The following SGK1 variants were observed in gnomAD, a reference collection of about 807,000 sequenced individuals.
SGK1 encodes the protein serine/threonine-protein kinase Sgk1.
A neutral mutation model predicts 64.2 loss-of-function variants in SGK1; 26 were observed. The ratio of observed to expected loss-of-function variants is 0.40; its 90% CI spans 0.30 to 0.56. The LOEUF (loss-of-function observed/expected upper bound fraction) is 0.56, where lower values mean the gene tolerates loss of function less well. SGK1 is among the 20% of genes least tolerant of loss of function. The pLI is 0.38. For missense variants in SGK1, 519 were observed against 645.6 expected (o/e 0.80, Z 2.12); for synonymous variants, 265 against 239.7 (o/e 1.11, Z -0.98).
rs1236266501 is a variant in SGK1 at position 134,172,845 on chromosome 6, G to A, written c.835-71C>T. 3.1e-6 allele frequency: 4 copies of A among 1,283,088 alleles called. No homozygotes were observed. The African/African-American group carries it at 4.4e-5, about 14-fold the overall frequency. The allele number at this position is 1,283,088 out of a possible 1,614,324, so 79.5% of individuals were successfully genotyped here. A position where few individuals can be genotyped will look rare whatever the true frequency, so the allele number is the denominator to read the frequency against. ...ATTAGTTTTGACATACACAGCAAAAGAACAACTGCAGGAAGTGGCCCCAAG... is the reference window on the plus strand; with the variant it reads ...ATTAGTTTTGACATACACAGCAAAAAAACAACTGCAGGAAGTGGCCCCAAG... On this transcript the variant is annotated intron_variant, in intron 8 of 13. Transcript: ENST00000367858.
intron 2 of SGK1, among the ~76,000 whole-genome samples, chr6:134,252,907 AT>A (rs555199071): frequency 5.3e-5 from 8 of 151,958 alleles, no homozygotes; most frequent in East Asian, 3.9e-4. Context: ...CCTATATAAA[AT>A]TTTTTTTGAT....
intron 3 of SGK1, among the ~76,000 whole-genome samples, chr6:134,177,442 C>T (rs1775262940): frequency 6.6e-6 from 1 of 152,188 alleles, no homozygotes; most frequent in African/African-American, 2.4e-5. Context: ...CCTAGCTCTG[C>T]TCCCACCTGG....
At chr6:134,268,821 G>T (rs1279123845) in intron 1 of SGK1, among the ~76,000 whole-genome samples, 1 of 146,384 alleles carries the variant, frequency 6.8e-6, no homozygotes, top group Admixed American at 7.0e-5. Flanking sequence ...TACAGATACC[G>T]GGGTGAACCA....
intron 2 of SGK1, among the ~76,000 whole-genome samples, chr6:134,209,825 C>T (rs1775858029): frequency 6.6e-6 from 1 of 152,142 alleles, no homozygotes; most frequent in Non-Finnish European, 1.5e-5. Context: ...TACAGACGTG[C>T]TCCACCACGC....
chr6:134,262,659 G>A (rs868853031), intron 1 of SGK1, among the ~76,000 whole-genome samples: 17 of 151,796 alleles, frequency 1.1e-4, no homozygotes, highest in East Asian at 1.9e-4. Context: ...AGATAGCCCC[G>A]CTGCACTCCA....
chr6:134,252,331 A>G (rs919646019), intron 2 of SGK1, among the ~76,000 whole-genome samples: 2 of 152,202 alleles, frequency 1.3e-5, no homozygotes, highest in African/African-American at 2.4e-5. Flanking sequence ...CCTGGTTATC[A>G]GGCTCTCTGG....
At chr6:134,232,451 G>GAAAGAAAGAAAGAA (rs1562259773) in intron 2 of SGK1, among the ~76,000 whole-genome samples, 62 of 37,216 alleles carry the variant, frequency 1.7e-3, no homozygotes, top group Admixed American at 5.6e-3. Flanking sequence ...AAGAAAGAAA[G>GAAAGAAAGAAAGAA]AAAGAAAGAA....
At chr6:134,228,167 C>T (rs1776217896) in intron 2 of SGK1, among the ~76,000 whole-genome samples, 1 of 151,976 alleles carries the variant, frequency 6.6e-6, no homozygotes. Flanking sequence ...GTTGGCCAGG[C>T]TGGTCTCGAA....
chr6:134,196,591 G>A (rs1775597901), intron 3 of SGK1, among the ~76,000 whole-genome samples: 2 of 152,212 alleles, frequency 1.3e-5, no homozygotes, highest in Admixed American at 6.5e-5. Context: ...AACCACAACA[G>A]ATTGTACACT....
intron 2 of SGK1, among the ~76,000 whole-genome samples, chr6:134,220,336 G>A (rs1202840264): frequency 6.6e-6 from 1 of 152,042 alleles, no homozygotes; most frequent in African/African-American, 2.4e-5. Context: ...TTTAATAGAT[G>A]GGAAAACAGA....
At chr6:134,226,262 C>T (rs1396217134) in intron 2 of SGK1, among the ~76,000 whole-genome samples, 1 of 152,140 alleles carries the variant, frequency 6.6e-6, no homozygotes, top group Non-Finnish European at 1.5e-5. Flanking sequence ...TAAGCATAAA[C>T]TGTTAAACCA....
At chr6:134,266,426 C>A (rs575914319) in intron 1 of SGK1, among the ~76,000 whole-genome samples, 2 of 151,994 alleles carry the variant, frequency 1.3e-5, no homozygotes, top group Non-Finnish European at 2.9e-5. Context: ...ACCAGCCTGA[C>A]CAACATGGTG....
At chr6:134,218,137 C>G (rs1334143303) in intron 2 of SGK1, among the ~76,000 whole-genome samples, 3 of 152,124 alleles carry the variant, frequency 2.0e-5, no homozygotes, top group Admixed American at 2.0e-4. Flanking sequence ...ATTAATTCCC[C>G]CCTTGCATTA....
At chr6:134,203,294 C>T (rs1441533403) in intron 3 of SGK1, among the ~76,000 whole-genome samples, 4 of 152,022 alleles carry the variant, frequency 2.6e-5, no homozygotes, top group African/African-American at 9.7e-5. Flanking sequence ...CAGAGCACCA[C>T]TGAAAATGTG....
intron 1 of SGK1, among the ~76,000 whole-genome samples, chr6:134,283,671 G>T (rs1041822198): frequency 1.3e-5 from 2 of 151,136 alleles, no homozygotes; most frequent in Admixed American, 1.3e-4. Flanking sequence ...AATACAGTGA[G>T]ACCTTGTCTC....
intron 3 of SGK1, among the ~76,000 whole-genome samples, chr6:134,196,646 T>C (rs765474303): frequency 1.4e-4 from 21 of 152,322 alleles, no homozygotes; most frequent in Non-Finnish European, 2.9e-4. Context: ...GCTGGCCAAC[T>C]CTGATGTGAG....
intron 2 of SGK1, among the ~76,000 whole-genome samples, chr6:134,255,845 A>G (rs192053727): frequency 3.2e-4 from 49 of 152,110 alleles, no homozygotes; most frequent in African/African-American, 1.1e-3. Flanking sequence ...TCGACCTCCA[A>G]AAGTGCTGGG....
rs781116388 is a variant in SGK1, at chr6:134,177,740, G to A, written c.362-3154C>T. 1.9e-6 allele frequency: 3 copies of A among 1,613,988 alleles called. No homozygotes were observed. The South Asian group carries it at 3.3e-5, about 18-fold the overall frequency. Reference sequence around the variant, plus strand: ...ATATGCAGGTTGGGGATTACTTCTGGAGGCTGGAGGTAGAGCCCAGTTATG... The same window carrying A: ...ATATGCAGGTTGGGGATTACTTCTGAAGGCTGGAGGTAGAGCCCAGTTATG... On this transcript the variant is annotated intron_variant, in intron 3 of 13. Coordinates refer to ENST00000367858, the MANE Select transcript of SGK1 (RefSeq NM_001143676.3).
intron 2 of SGK1, among the ~76,000 whole-genome samples, chr6:134,214,283 A>T (rs1237633589): frequency 6.6e-6 from 1 of 152,258 alleles, no homozygotes; most frequent in Non-Finnish European, 1.5e-5. Flanking sequence ...CATTATCACA[A>T]CTAACAATTT....
Sources: gnomAD v4.1 joint callset for allele counts (sites outside exome capture counted in the v4.1 genomes callset) on GRCh38, gnomAD v4.1.1 for gene constraint, MANE v1.5 for transcripts, NCBI Gene and HGNC (gene_info 2026-07-23, HGNC 2026-07-21) for gene names.